MACROD2: variants seen among roughly 807,000 people sequenced by gnomAD.
MACROD2 encodes ADP-ribose glycohydrolase MACROD2.
Under a neutral mutation model 70.4 loss-of-function variants are expected in MACROD2, and 36 were observed. That is an observed-to-expected ratio of 0.51 (90% CI 0.39 to 0.68). The LOEUF is 0.68. MACROD2 is among the 30% of genes least tolerant of loss of function. The pLI is 0.00. For synonymous variants in MACROD2, 172 were observed against 178.8 expected (o/e 0.96, Z 0.30); for missense variants, 496 against 538.4 (o/e 0.92, Z 0.78).
intron 3 of MACROD2, among the ~76,000 whole-genome samples, chr20:14,151,816 T>TG (rs2055026412): frequency 7.9e-6 from 1 of 126,680 alleles, no homozygotes; most frequent in Non-Finnish European, 1.7e-5. Flanking sequence ...TGTATCTTTT[T>TG]TTTTTTTTTT....
At chr20:15,554,698 TTTC>T (rs2048143530) in intron 8 of MACROD2, among the ~76,000 whole-genome samples, 1 of 152,218 alleles carries the variant, frequency 6.6e-6, no homozygotes. Context: ...TATTTTTAAA[TTTC>T]TTCTTTTGGA....
At chr20:15,786,006 C>T (rs1031686596) in intron 8 of MACROD2, among the ~76,000 whole-genome samples, 6 of 151,808 alleles carry the variant, frequency 4.0e-5, no homozygotes, top group African/African-American at 1.5e-4. Flanking sequence ...TTATCAAAAA[C>T]AAGCGATCGA....
chr20:14,293,757 T>A (rs1159822348), intron 3 of MACROD2, among the ~76,000 whole-genome samples: 1 of 151,864 alleles, frequency 6.6e-6, no homozygotes, highest in Non-Finnish European at 1.5e-5. Flanking sequence ...AGGAAAATGA[T>A]CACCAAGAAG....
chr20:14,158,744 A>G (rs2055140751), intron 3 of MACROD2, among the ~76,000 whole-genome samples: 1 of 152,016 alleles, frequency 6.6e-6, no homozygotes, highest in African/African-American at 2.4e-5. Flanking sequence ...TTTTTGGATT[A>G]TCTATTTTGT....
At chr20:15,501,748 C>T (rs1354777479) in intron 8 of MACROD2, among the ~76,000 whole-genome samples, 2 of 152,068 alleles carry the variant, frequency 1.3e-5, no homozygotes, top group African/African-American at 2.4e-5. Context: ...TTAAGCAAGT[C>T]AATTTGAACA....
chr20:15,163,958 T>G (rs1160526576), intron 5 of MACROD2, among the ~76,000 whole-genome samples: 1 of 152,070 alleles, frequency 6.6e-6, no homozygotes, highest in Non-Finnish European at 1.5e-5. Context: ...CAAAAATCCT[T>G]CTGAGGACAC....
At chr20:14,671,431 A>AT (rs982001948) in intron 4 of MACROD2, among the ~76,000 whole-genome samples, 66 of 151,862 alleles carry the variant, frequency 4.3e-4, no homozygotes, top group Admixed American at 2.1e-3. Context: ...TATGAGAAAC[A>AT]TTTTTTTTCT....
At chr20:14,963,078 TA>T (rs930547932) in intron 5 of MACROD2, among the ~76,000 whole-genome samples, 2 of 152,246 alleles carry the variant, frequency 1.3e-5, no homozygotes, top group East Asian at 3.9e-4. Context: ...AGAAATAAAA[TA>T]AAAAAACTGT....
At chr20:14,447,223 T>C (rs1417808854) in intron 3 of MACROD2, among the ~76,000 whole-genome samples, 1 of 152,034 alleles carries the variant, frequency 6.6e-6, no homozygotes, top group Admixed American at 6.5e-5. Context: ...TTTCACCATG[T>C]TGGCCAAGCT....
chr20:15,852,938 G>C (rs1376952448), intron 8 of MACROD2, among the ~76,000 whole-genome samples: 3 of 152,136 alleles, frequency 2.0e-5, no homozygotes, highest in African/African-American at 7.2e-5. Context: ...TTGATTTCAG[G>C]AGTTCTAGGC....
Position 14,096,503 on chromosome 20 carries a change from A to G in MACROD2, c.271+10775A>G, listed in dbSNP as rs1375955915. 2.0e-5 allele frequency among the ~76,000 whole-genome samples: 3 copies of G among 150,916 alleles called. No individual in the cohort carries two copies. The Admixed American group carries it at 2.0e-4, about 10-fold the overall frequency. On this transcript the variant is annotated intron_variant, in intron 3 of 17. Transcript: ENST00000684519. The stretch of plus-strand genomic sequence containing the variant: ...TGCCTCAGCTTACTGAGTAGCTGGG[A>G]TTACAGGCAGGCAGCACCACACCTG...
intron 8 of MACROD2, among the ~76,000 whole-genome samples, chr20:15,699,673 C>T (rs1448726838): frequency 6.6e-6 from 1 of 152,170 alleles, no homozygotes; most frequent in Non-Finnish European, 1.5e-5. Flanking sequence ...CAAGGCCATC[C>T]ACCTCCCAGC....
chr20:15,814,418 T>C (rs6131726), intron 8 of MACROD2, among the ~76,000 whole-genome samples: 67,433 of 151,922 alleles, frequency 0.44, 15,397 homozygotes, highest in African/African-American at 0.56. Context: ...AATTCTAAGC[T>C]TTCTCTTATA....
chr20:14,067,428 G>T (rs975891979), intron 2 of MACROD2, among the ~76,000 whole-genome samples: 1 of 152,084 alleles, frequency 6.6e-6, no homozygotes, highest in Non-Finnish European at 1.5e-5. Flanking sequence ...GCATAAAAAG[G>T]TTTGTGTTTT....
rs187904764 is a variant in MACROD2 at position 15,022,100 on chromosome 20, G to A, written c.419-207840G>A. On this transcript the variant is annotated intron_variant, in intron 5 of 17. Coordinates refer to ENST00000684519, the MANE Select transcript of MACROD2 (RefSeq NM_001351661.2). ...TTAGCAGGAATAACTGTTGCATTAT[G>A]TAATCCTTTCTAATATTTTTTGGTG... Among the ~76,000 whole-genome samples, 33 of 152,250 alleles carry A rather than the reference G, an allele frequency of 2.2e-4. No individual in the cohort carries two copies. The East Asian group carries it at 5.6e-3, about 26-fold the overall frequency.
chr20:14,442,397 C>T (rs1051112432), intron 3 of MACROD2, among the ~76,000 whole-genome samples: 3 of 152,044 alleles, frequency 2.0e-5, no homozygotes, highest in Non-Finnish European at 4.4e-5. Context: ...GTCAATTTTA[C>T]TCTCATGATT....
chr20:15,046,002 C>T (rs547323604), intron 5 of MACROD2, among the ~76,000 whole-genome samples: 322 of 152,070 alleles, frequency 2.1e-3, no homozygotes, highest in Non-Finnish European at 2.3e-3. Flanking sequence ...TTCTGCAAGT[C>T]CAGCCTTCTC....
intron 3 of MACROD2, among the ~76,000 whole-genome samples, chr20:14,188,442 A>T (rs2081361133): frequency 6.6e-6 from 1 of 152,156 alleles, no homozygotes; most frequent in African/African-American, 2.4e-5. Context: ...TCTTTAGATA[A>T]TATTCCAAAG....
At chr20:15,740,741 A>T (rs2051092463) in intron 8 of MACROD2, among the ~76,000 whole-genome samples, 1 of 151,308 alleles carries the variant, frequency 6.6e-6, no homozygotes, top group African/African-American at 2.4e-5. Flanking sequence ...GCATGGTGAC[A>T]CCTTTCTTCC....
Sources: gnomAD v4.1 joint callset for allele counts (sites outside exome capture counted in the v4.1 genomes callset) on GRCh38, gnomAD v4.1.1 for gene constraint, MANE v1.5 for transcripts, NCBI Gene and HGNC (gene_info 2026-07-23, HGNC 2026-07-21) for gene names.